Variants in PARD3 observed in about 807,000 individuals in gnomAD.
PARD3 encodes partitioning defective 3 homolog.
Under a neutral mutation model 155.4 loss-of-function variants are expected in PARD3, and 75 were observed. The observed-to-expected ratio is 0.48, with a 90% CI of 0.40 to 0.58. The LOEUF (loss-of-function observed/expected upper bound fraction) is 0.58. Ranked by LOEUF, PARD3 falls within the 20% of genes least tolerant of loss-of-function variation. The probability of loss-of-function intolerance (pLI) is 0.00; values close to 1 mark genes in which losing one functional copy is unlikely to be tolerated. For synonymous variants in PARD3, 576 were observed against 610.5 expected (o/e 0.94, Z 0.83); for missense variants, 1,642 against 1,721.7 (o/e 0.95, Z 0.82).
At chr10:34,532,842 A>G (rs953678589) in intron 2 of PARD3, among the ~76,000 whole-genome samples, 1 of 152,156 alleles carries the variant, frequency 6.6e-6, no homozygotes, top group African/African-American at 2.4e-5. Flanking sequence ...TTTCTACTTT[A>G]TGATACAGTC....
chr10:34,237,934 T>C (rs2133623919), intron 22 of PARD3, among the ~76,000 whole-genome samples: 1 of 152,144 alleles, frequency 6.6e-6, no homozygotes, highest in East Asian at 1.9e-4. Flanking sequence ...ACTGACATAT[T>C]TCAACCCACA....
At chr10:34,168,883 T>G (rs1383607508) in intron 22 of PARD3, among the ~76,000 whole-genome samples, 1 of 152,214 alleles carries the variant, frequency 6.6e-6, no homozygotes, top group African/African-American at 2.4e-5. Flanking sequence ...TGTTCCTGCT[T>G]CCTAATTATG....
At chr10:34,290,467 G>T (rs190904151) in intron 20 of PARD3, among the ~76,000 whole-genome samples, 1 of 152,292 alleles carries the variant, frequency 6.6e-6, no homozygotes, top group Admixed American at 6.5e-5. Flanking sequence ...TTTACCCAAA[G>T]AAATTTGTAG....
intron 1 of PARD3, among the ~76,000 whole-genome samples, chr10:34,739,936 C>G (rs975576663): frequency 1.3e-5 from 2 of 152,124 alleles, no homozygotes; most frequent in African/African-American, 4.8e-5. Flanking sequence ...AGGAGGAGGG[C>G]AGAACCAGAG....
intron 2 of PARD3, among the ~76,000 whole-genome samples, chr10:34,686,274 G>A (rs112273305): frequency 9.9e-5 from 15 of 152,186 alleles, no homozygotes; most frequent in East Asian, 1.9e-4. Context: ...GTCCTTGTGC[G>A]ATAATTTTCC....
At chr10:34,420,868 A>C (rs571129979) in intron 5 of PARD3, among the ~76,000 whole-genome samples, 1 of 152,200 alleles carries the variant, frequency 6.6e-6, no homozygotes, top group East Asian at 1.9e-4. Flanking sequence ...AATAATCTTC[A>C]ATCTGTAATT....
At chr10:34,365,789 T>C (rs1187339855) in intron 12 of PARD3, among the ~76,000 whole-genome samples, 1 of 152,186 alleles carries the variant, frequency 6.6e-6, no homozygotes, top group Non-Finnish European at 1.5e-5. Flanking sequence ...GGTTTCGCCA[T>C]GTTGGTCAGG....
intron 2 of PARD3, among the ~76,000 whole-genome samples, chr10:34,519,965 C>T (rs2082041998): frequency 6.6e-6 from 1 of 152,048 alleles, no homozygotes; most frequent in Non-Finnish European, 1.5e-5. Flanking sequence ...CCCTTCAATC[C>T]CACACCTAGC....
intron 24 of PARD3, among the ~76,000 whole-genome samples, chr10:34,112,063 T>G (rs775819284): frequency 6.6e-6 from 1 of 152,236 alleles, no homozygotes; most frequent in Non-Finnish European, 1.5e-5. Flanking sequence ...GATTACAGTA[T>G]GAGTTCGGTT....
intron 15 of PARD3, chr10:34,345,170 A>C: frequency 1.0e-6 from 1 of 985,316 alleles, no homozygotes; most frequent in Non-Finnish European, 1.2e-6. Flanking sequence ...AACAAAAAAC[A>C]TCATGGGATA....
chr10:34,675,748 C>A, intron 2 of PARD3: 1 of 177,646 alleles, frequency 5.6e-6, no homozygotes, highest in East Asian at 1.3e-4. Context: ...CAGGGTCTTC[C>A]CTCTGTCAGT....
At chr10:34,483,482 CAA>C (rs35352038) in intron 3 of PARD3, among the ~76,000 whole-genome samples, 37 of 50,394 alleles carry the variant, frequency 7.3e-4, no homozygotes, top group East Asian at 1.0e-3. Flanking sequence ...ACTCTGTCAC[CAA>C]AAAAAAAAAA....
At chr10:34,346,457 A>T in intron 15 of PARD3, 1 of 1,349,252 alleles carries the variant, frequency 7.4e-7, no homozygotes, top group East Asian at 4.6e-5. Context: ...TTCCTATAAT[A>T]AAGGGGAAAT....
At chr10:34,113,358 G>C (rs1254876471) in intron 24 of PARD3, among the ~76,000 whole-genome samples, 1 of 152,072 alleles carries the variant, frequency 6.6e-6, no homozygotes, top group Non-Finnish European at 1.5e-5. Flanking sequence ...GGTTTGTTAG[G>C]GATGGAAATT....
chr10:34,221,645 A>G (rs1415025689), intron 22 of PARD3, among the ~76,000 whole-genome samples: 11 of 152,188 alleles, frequency 7.2e-5, no homozygotes, highest in Non-Finnish European at 1.6e-4. Context: ...TTTCTTAACA[A>G]GTGTGTTATA....
chr10:34,650,252 A>T (rs1590405229), intron 2 of PARD3, among the ~76,000 whole-genome samples: 1 of 152,368 alleles, frequency 6.6e-6, no homozygotes, highest in South Asian at 2.1e-4. Flanking sequence ...ACAGCACAGT[A>T]GGTTTCTTCA....
intron 12 of PARD3, among the ~76,000 whole-genome samples, chr10:34,367,855 G>A (rs1475814903): frequency 1.3e-5 from 2 of 152,182 alleles, no homozygotes; most frequent in Non-Finnish European, 2.9e-5. Flanking sequence ...CTATCAAGAT[G>A]GCTTCTGACC....
chr10:34,742,220 A>G (rs1157648641), intron 1 of PARD3, among the ~76,000 whole-genome samples: 1 of 152,228 alleles, frequency 6.6e-6, no homozygotes, highest in Non-Finnish European at 1.5e-5. Context: ...AACTACAAAC[A>G]ATCACAGAGT....
intron 3 of PARD3, among the ~76,000 whole-genome samples, chr10:34,490,842 C>T (rs2079852793): frequency 6.6e-6 from 1 of 152,130 alleles, no homozygotes; most frequent in African/African-American, 2.4e-5. Flanking sequence ...ATTAAAATGA[C>T]GTGGGAATAC....
Sources: gnomAD v4.1 joint callset for allele counts (sites outside exome capture counted in the v4.1 genomes callset) on GRCh38, gnomAD v4.1.1 for gene constraint, MANE v1.5 for transcripts, NCBI Gene and HGNC (gene_info 2026-07-23, HGNC 2026-07-21) for gene names.